CSMD1: variants seen among roughly 807,000 people sequenced by gnomAD.
CSMD1 encodes the protein CUB and Sushi multiple domains 1.
A neutral mutation model predicts 417.5 loss-of-function variants in CSMD1; 213 were observed. The observed-to-expected ratio is 0.51, with a 90% CI of 0.46 to 0.57. The LOEUF (loss-of-function observed/expected upper bound fraction) is 0.57. Among genes scored for constraint, CSMD1 ranks in the 20% least tolerant of loss-of-function variants. CSMD1 has a pLI of 0.00. For missense variants in CSMD1, 6,923 were observed against 4,529.7 expected (o/e 1.53, Z -15.17); for synonymous variants, 2,862 against 1,736.8 (o/e 1.65, Z -16.11).
rs79817744 is a variant in CSMD1 at position 4,549,301 on chromosome 8, G to T, written c.302+88041C>A. Reference sequence around the variant, plus strand: ...CAAACACCCAGGTGACTTGGAATGCGAGGGGAAGGAAAAGGGTAAAAGAAA... The same window carrying T: ...CAAACACCCAGGTGACTTGGAATGCTAGGGGAAGGAAAAGGGTAAAAGAAA... On this transcript the variant is annotated intron_variant, in intron 2 of 69. Coordinates refer to ENST00000635120, the MANE Select transcript of CSMD1 (RefSeq NM_033225.6). Among the ~76,000 whole-genome samples the T allele has an allele frequency of 5.9e-3, 892 of 152,260 alleles. 37 individuals are homozygous for T. The East Asian group carries it at 0.11, about 20-fold the overall frequency.
intron 12 of CSMD1, among the ~76,000 whole-genome samples, chr8:3,460,259 C>T (rs1034954650): frequency 3.3e-5 from 5 of 151,978 alleles, no homozygotes; most frequent in Admixed American, 6.6e-5. Context: ...AAGAATGATC[C>T]TTGTTGGGGA....
chr8:4,612,214 A>G (rs1195193730), intron 2 of CSMD1, among the ~76,000 whole-genome samples: 2 of 152,216 alleles, frequency 1.3e-5, no homozygotes, highest in African/African-American at 4.8e-5. Flanking sequence ...CACTGCCTTC[A>G]TCACCTTTGT....
At chr8:3,830,925 A>T (rs2129087591) in intron 5 of CSMD1, among the ~76,000 whole-genome samples, 1 of 152,170 alleles carries the variant, frequency 6.6e-6, no homozygotes, top group South Asian at 2.1e-4. Flanking sequence ...CTCACCTAAA[A>T]TTATTTCTTA....
intron 7 of CSMD1, among the ~76,000 whole-genome samples, chr8:3,675,469 A>G (rs28526566): frequency 0.095 from 14,512 of 152,254 alleles, 733 homozygotes; most frequent in Middle Eastern, 0.11. Context: ...GGTGATTGCA[A>G]TGGACTGAAT....
intron 3 of CSMD1, among the ~76,000 whole-genome samples, chr8:4,080,960 C>G (rs1447354653): frequency 6.6e-6 from 1 of 152,108 alleles, no homozygotes; most frequent in Non-Finnish European, 1.5e-5. Flanking sequence ...CCTCCTGAAT[C>G]AAATTAATGC....
intron 4 of CSMD1, among the ~76,000 whole-genome samples, chr8:4,017,958 G>C (rs1169127950): frequency 6.6e-6 from 1 of 152,124 alleles, no homozygotes; most frequent in East Asian, 1.9e-4. Context: ...GGCAACTATA[G>C]CGGCATGCAT....
At chr8:4,455,871 G>A (rs1057481581) in intron 2 of CSMD1, among the ~76,000 whole-genome samples, 1 of 122,590 alleles carries the variant, frequency 8.2e-6, no homozygotes, top group Middle Eastern at 6.1e-3. Flanking sequence ...ACAGGTTGCA[G>A]TGAGCCAAGA....
intron 2 of CSMD1, among the ~76,000 whole-genome samples, chr8:4,480,919 A>G (rs1201749044): frequency 6.6e-6 from 1 of 152,166 alleles, no homozygotes; most frequent in Non-Finnish European, 1.5e-5. Flanking sequence ...TGAGTTCATC[A>G]TCTTAGTGAC....
chr8:3,425,543 G>A (rs533545861), intron 12 of CSMD1, among the ~76,000 whole-genome samples: 3 of 144,706 alleles, frequency 2.1e-5, no homozygotes, highest in African/African-American at 2.6e-5. Flanking sequence ...ATCTGAGATT[G>A]CGCCACTGCA....
chr8:3,677,225 C>T (rs149674530), intron 7 of CSMD1, among the ~76,000 whole-genome samples: 127 of 152,114 alleles, frequency 8.3e-4, no homozygotes, highest in African/African-American at 2.6e-3. Context: ...AGGAAAACAC[C>T]GCTTAAAAGT....
At chr8:4,188,273 C>G (rs757359994) in intron 3 of CSMD1, among the ~76,000 whole-genome samples, 1 of 152,190 alleles carries the variant, frequency 6.6e-6, no homozygotes, top group African/African-American at 2.4e-5. Flanking sequence ...CACGCTTGCC[C>G]TAGACGTCGG....
intron 2 of CSMD1, among the ~76,000 whole-genome samples, chr8:4,505,263 T>A (rs146451956): frequency 6.6e-6 from 1 of 152,122 alleles, no homozygotes; most frequent in African/African-American, 2.4e-5. Context: ...AAAATAATAA[T>A]GATAAATGTG....
chr8:3,847,988 A>G (rs1384506316), intron 5 of CSMD1, among the ~76,000 whole-genome samples: 2 of 151,466 alleles, frequency 1.3e-5, no homozygotes, highest in African/African-American at 4.9e-5. Flanking sequence ...ATTCATCTCT[A>G]TTCTGTGTAT....
chr8:4,658,944 T>C (rs981525088), intron 1 of CSMD1, among the ~76,000 whole-genome samples: 3 of 152,178 alleles, frequency 2.0e-5, no homozygotes, highest in Non-Finnish European at 2.9e-5. Context: ...ATTGTTATGA[T>C]TTTAGGATGT....
intron 26 of CSMD1, among the ~76,000 whole-genome samples, chr8:3,252,823 C>T (rs1428775460): frequency 3.3e-5 from 5 of 152,162 alleles, no homozygotes; most frequent in Non-Finnish European, 7.3e-5. Flanking sequence ...TTATCCATTT[C>T]TTCTAGATTT....
intron 5 of CSMD1, among the ~76,000 whole-genome samples, chr8:3,820,122 G>C (rs1801643793): frequency 6.6e-6 from 1 of 152,160 alleles, no homozygotes; most frequent in Non-Finnish European, 1.5e-5. Context: ...CTTGAATGCA[G>C]TATGATCTTG....
chr8:3,816,511 G>A (rs138840238), intron 5 of CSMD1, among the ~76,000 whole-genome samples: 1 of 152,114 alleles, frequency 6.6e-6, no homozygotes, highest in South Asian at 2.1e-4. Flanking sequence ...CTTCCTCATA[G>A]ATGTTTATGT....
Position 3,284,163 on chromosome 8 carries a change from G to A in CSMD1, c.4134C>T (p.Gly1378=), listed in dbSNP as rs371919823. The A allele has an allele frequency of 1.3e-6, 2 of 1,572,136 alleles. No individual in the cohort carries two copies. Among genetic ancestry groups the A allele is most frequent in the African/African-American group, 1.4e-5 (1 of 74,002 alleles). Residue 1378 remains glycine (G), a synonymous_variant, in exon 26 of 70, where the codon GGC becomes GGT. Coordinates refer to ENST00000635120, the MANE Select transcript of CSMD1 (RefSeq NM_033225.6). ...FDSDFFISKS[G]FSIQFSTSIA... ...ACCTACTGGAGAACTGGATGGAGAA[G>A]CCAGACTTGCTGATGAAGAAGTCGC...
intron 3 of CSMD1, among the ~76,000 whole-genome samples, chr8:4,238,331 G>A (rs977932029): frequency 6.6e-5 from 10 of 152,316 alleles, no homozygotes; most frequent in South Asian, 4.1e-4. Context: ...GCATGTGCGC[G>A]AGGGTGGTCC....
Sources: gnomAD v4.1 joint callset for allele counts (sites outside exome capture counted in the v4.1 genomes callset) on GRCh38, gnomAD v4.1.1 for gene constraint, MANE v1.5 for transcripts, NCBI Gene and HGNC (gene_info 2026-07-23, HGNC 2026-07-21) for gene names.